The following ZNF385D variants were observed in gnomAD, a reference collection of about 807,000 sequenced individuals.
The protein encoded by ZNF385D is zinc finger protein 659.
A neutral mutation model predicts 35.8 loss-of-function variants in ZNF385D; 15 were observed. That is an observed-to-expected ratio of 0.42 (90% CI 0.28 to 0.64). ZNF385D has a LOEUF of 0.64. ZNF385D is among the 30% of genes least tolerant of loss of function. ZNF385D has a pLI of 0.23. For synonymous variants in ZNF385D, 212 were observed against 186.8 expected, an observed-to-expected ratio of 1.13 and a Z score of -1.10; for missense variants, 474 against 494.6, an observed-to-expected ratio of 0.96 and a Z score of 0.39.
At chr3:22,174,984 T>A (rs935692358) in intron 2 of ZNF385D, among the ~76,000 whole-genome samples, 1 of 152,068 alleles carries the variant, frequency 6.6e-6, no homozygotes, top group South Asian at 2.1e-4. Flanking sequence ...AAAAGAAGAA[T>A]CCACCAATAC....
intron 1 of ZNF385D, among the ~76,000 whole-genome samples, chr3:21,708,277 G>A (rs73042185): frequency 6.6e-6 from 1 of 152,180 alleles, no homozygotes. Context: ...TCTAGGCCTT[G>A]GGCTGGGAAC....
intron 3 of ZNF385D, among the ~76,000 whole-genome samples, chr3:21,518,662 T>C (rs1169168661): frequency 6.6e-6 from 1 of 152,170 alleles, no homozygotes; most frequent in African/African-American, 2.4e-5. Context: ...CTTATATACT[T>C]ATGGTTTTTT....
intron 3 of ZNF385D, among the ~76,000 whole-genome samples, chr3:21,968,936 G>A (rs1353180552): frequency 6.6e-6 from 1 of 152,178 alleles, no homozygotes; most frequent in Non-Finnish European, 1.5e-5. Context: ...CTGATTCCTG[G>A]CCAAGCTGCT....
At chr3:22,128,058 A>T (rs939581863) in intron 3 of ZNF385D, among the ~76,000 whole-genome samples, 1 of 152,160 alleles carries the variant, frequency 6.6e-6, no homozygotes, top group African/African-American at 2.4e-5. Context: ...CCATTCTTGT[A>T]GGTTATGTAC....
intron 3 of ZNF385D, among the ~76,000 whole-genome samples, chr3:21,859,804 T>G (rs1233078875): frequency 6.6e-6 from 1 of 152,112 alleles, no homozygotes; most frequent in Non-Finnish European, 1.5e-5. Context: ...AAACTTCAAG[T>G]TGCTTCCAAA....
At chr3:21,879,337 G>A (rs780350110) in intron 3 of ZNF385D, among the ~76,000 whole-genome samples, 2 of 151,980 alleles carry the variant, frequency 1.3e-5, no homozygotes, top group Non-Finnish European at 2.9e-5. Flanking sequence ...CATGGGATCC[G>A]TTTATTGCCA....
chr3:21,616,249 C>T (rs749901772), intron 2 of ZNF385D, among the ~76,000 whole-genome samples: 8 of 152,002 alleles, frequency 5.3e-5, no homozygotes, highest in Non-Finnish European at 1.2e-4. Context: ...CAATATCAGG[C>T]GATTTGAGAA....
intron 3 of ZNF385D, among the ~76,000 whole-genome samples, chr3:21,976,147 G>A (rs141732139): frequency 1.3e-5 from 2 of 152,104 alleles, no homozygotes; most frequent in Non-Finnish European, 2.9e-5. Context: ...TTCAAGATCT[G>A]ATCAGATTTG....
At chr3:21,984,791 C>G in intron 3 of ZNF385D, among the ~76,000 whole-genome samples, 1 of 115,108 alleles carries the variant, frequency 8.7e-6, no homozygotes, top group East Asian at 2.9e-4. Flanking sequence ...ATTCTTCCTA[C>G]CCATGAGCAT....
At chr3:22,290,215 G>T (rs1195131772) in intron 2 of ZNF385D, among the ~76,000 whole-genome samples, 1 of 152,046 alleles carries the variant, frequency 6.6e-6, no homozygotes, top group Non-Finnish European at 1.5e-5. Context: ...CTGGGTGTTG[G>T]GAATTCCTTC....
chr3:21,528,024 G>A (rs1236998076), intron 3 of ZNF385D, among the ~76,000 whole-genome samples: 1 of 152,174 alleles, frequency 6.6e-6, no homozygotes, highest in Non-Finnish European at 1.5e-5. Flanking sequence ...AAGGAACACA[G>A]TGTTTAAATA....
intron 3 of ZNF385D, among the ~76,000 whole-genome samples, chr3:22,026,493 G>T (rs992685716): frequency 1.3e-5 from 2 of 152,156 alleles, no homozygotes; most frequent in African/African-American, 4.8e-5. Context: ...TGTCACTGTG[G>T]TCCTCCAGTT....
At chr3:21,617,571 T>G (rs1378709980) in intron 2 of ZNF385D, among the ~76,000 whole-genome samples, 1 of 152,182 alleles carries the variant, frequency 6.6e-6, no homozygotes, top group Non-Finnish European at 1.5e-5. Context: ...TTATAATTTT[T>G]CCTGCACAGA....
At position 21,558,448 on chromosome 3, in the gene ZNF385D, C is replaced by T. The variant is rs2062820570; in HGVS notation, c.276+6126G>A. Among the ~76,000 whole-genome samples, 3 of 152,072 alleles carry T rather than the reference C, an allele frequency of 2.0e-5. No individual in the cohort carries two copies. In the South Asian group the frequency reaches 6.2e-4, roughly 32 times the overall value. ...ATTCAGGAGCAGGTTGTTCAGTTTCCATGTTGTTGTGCAGTTTTGAGTCAG... is the reference window on the plus strand; with the variant it reads ...ATTCAGGAGCAGGTTGTTCAGTTTCTATGTTGTTGTGCAGTTTTGAGTCAG... On this transcript the variant is annotated intron_variant, in intron 3 of 7. Transcript: ENST00000281523.
At chr3:21,797,227 G>A (rs765601888) in intron 3 of ZNF385D, among the ~76,000 whole-genome samples, 3 of 152,172 alleles carry the variant, frequency 2.0e-5, no homozygotes, top group Non-Finnish European at 4.4e-5. Flanking sequence ...ATAAGCCAAT[G>A]AAAAGATTCT....
At chr3:21,890,891 G>A (rs1698823084) in intron 3 of ZNF385D, among the ~76,000 whole-genome samples, 2 of 152,124 alleles carry the variant, frequency 1.3e-5, no homozygotes, top group Admixed American at 6.5e-5. Context: ...TTGGTTGTAC[G>A]ATTTTTGTTT....
intron 2 of ZNF385D, among the ~76,000 whole-genome samples, chr3:21,605,945 C>G (rs1427286302): frequency 6.6e-6 from 1 of 151,882 alleles, no homozygotes; most frequent in African/African-American, 2.4e-5. Context: ...CCACGTAATG[C>G]ACATCTTAAA....
At chr3:22,324,925 CACTT>C (rs1468644371) in intron 2 of ZNF385D, among the ~76,000 whole-genome samples, 1 of 152,186 alleles carries the variant, frequency 6.6e-6, no homozygotes, top group African/African-American at 2.4e-5. Context: ...TGGGTTCTAA[CACTT>C]ACCATCTGTA....
intron 2 of ZNF385D, among the ~76,000 whole-genome samples, chr3:22,231,667 C>CA (rs911635312): frequency 6.6e-6 from 1 of 151,906 alleles, no homozygotes; most frequent in African/African-American, 2.4e-5. Context: ...CCTACTGGGG[C>CA]AAAAAAATTT....
Sources: allele counts gnomAD v4.1 joint callset (sites outside exome capture counted in the v4.1 genomes callset), GRCh38; gene constraint gnomAD v4.1.1; transcripts MANE v1.5; gene names NCBI Gene and HGNC (gene_info 2026-07-23, HGNC 2026-07-21).